KAT5: variants seen among roughly 807,000 people sequenced by gnomAD.
KAT5 encodes the protein histone acetyltransferase KAT5.
A neutral mutation model predicts 68.1 loss-of-function variants in KAT5; 31 were observed. The ratio of observed to expected loss-of-function variants is 0.46; its 90% CI spans 0.34 to 0.61. The LOEUF is 0.61. Ranked by LOEUF, KAT5 falls within the 20% of genes least tolerant of loss-of-function variation. The pLI, the probability that KAT5 is intolerant of heterozygous loss-of-function variation, is 0.01. For synonymous variants in KAT5, 365 were observed against 292.6 expected, an observed-to-expected ratio of 1.25 and a Z score of -2.52; for missense variants, 451 against 725.5, an observed-to-expected ratio of 0.62 and a Z score of 4.35.
chr11:65,719,369 A>C lies in KAT5; in HGVS notation c.*188A>C. 2.8e-6 allele frequency: 2 copies of C among 706,324 alleles called. No homozygotes were observed. Among genetic ancestry groups the C allele is most frequent in the Non-Finnish European group, 4.6e-6 (2 of 433,948 alleles). 43.8% of individuals were successfully genotyped at this position (706,324 alleles called of 1,614,324 possible). A position where few individuals can be genotyped will look rare whatever the true frequency, so the allele number is the denominator to read the frequency against. On this transcript the variant is annotated 3_prime_UTR_variant, in exon 13 of 13. Transcript: ENST00000341318. Reference sequence around the variant, plus strand: ...CAAGGCGAGCTCCGGGCTCAGACCAACTCCAAGGTCAGCTGGCCACAGGCC... The same window carrying C: ...CAAGGCGAGCTCCGGGCTCAGACCACCTCCAAGGTCAGCTGGCCACAGGCC...
chr11:65,716,303 G>A (rs755320691), intron 8 of KAT5: 4 of 222,462 alleles, frequency 1.8e-5, no homozygotes, highest in Non-Finnish European at 2.7e-5. Context: ...TTGAGGAGCC[G>A]TGGTCAGAGT....
chr11:65,716,615 G>A, intron 8 of KAT5, 52 bp from the exon 9 acceptor site: 3 of 1,574,494 alleles, frequency 1.9e-6, no homozygotes, highest in Non-Finnish European at 2.6e-6. Flanking sequence ...TGAACCACTG[G>A]CCAGGCTCAA....
Position 65,718,465 on chromosome 11 carries a change from T to C in KAT5, c.1265-125T>C, listed in dbSNP as rs879235568. 16 of 933,240 alleles carry C rather than the reference T, an allele frequency of 1.7e-5. 2 individuals are homozygous for C. In the South Asian group the frequency reaches 2.3e-4, roughly 14 times the overall value. The allele number at this position is 933,240 out of a possible 1,614,324, so 57.8% of individuals were successfully genotyped here. On this transcript the variant is annotated intron_variant, in intron 10 of 12. Coordinates refer to ENST00000341318, the MANE Select transcript of KAT5 (RefSeq NM_182710.3). ...CTGAGGCACAGAGAAGTGGAGGGCA[T>C]AGAACTGCCAAGTGGCAGGGCCATG... is the stretch of plus-strand genomic sequence containing the variant.
Position 65,712,260 on chromosome 11 carries a change from G to C in KAT5, c.-8G>C, listed in dbSNP as rs375275397. On this transcript the variant is annotated 5_prime_UTR_variant, in exon 1 of 13. Transcript: ENST00000341318. The stretch of plus-strand genomic sequence containing the variant: ...GAGGGGCCGGAAGTGGCAGTGGAGG[G>C]AGGGAAGATGGCGGAGGTGGTGAGT... 35 of 1,413,666 alleles carry C rather than the reference G, an allele frequency of 2.5e-5. 1 individual carries two copies. Among genetic ancestry groups the C allele is most frequent in the South Asian group, 1.6e-4 (10 of 60,868 alleles). The allele number at this position is 1,413,666 out of a possible 1,614,324, so 87.6% of individuals were successfully genotyped here.
In KAT5 at chr11:65,716,531, G is replaced by A. The variant is rs530620172; in HGVS notation, c.1030-136G>A. 8.6e-6 allele frequency: 7 copies of A among 818,122 alleles called. No homozygotes were observed. The African/African-American group carries it at 1.0e-4, about 12-fold the overall frequency. 50.7% of individuals were successfully genotyped at this position (818,122 alleles called of 1,614,324 possible). A position where few individuals can be genotyped will look rare whatever the true frequency, so the allele number is the denominator to read the frequency against. ...GCTGCGGGCTGGTGGAGTGGGTCAG[G>A]CCCAGCCAGGGAAGAACACTCATCA... On this transcript the variant is annotated intron_variant, in intron 8 of 12. Coordinates refer to ENST00000341318, the MANE Select transcript of KAT5 (RefSeq NM_182710.3).
At chr11:65,713,917 T>A in intron 6 of KAT5, 69 bp downstream of exon 6, 2 of 1,371,298 alleles carry the variant, frequency 1.5e-6, no homozygotes, top group Non-Finnish European at 2.0e-6. Flanking sequence ...GGAGAGTTAT[T>A]TAGTGATGAG....
intron 1 of KAT5, 68 bp from the exon 2 acceptor site, chr11:65,712,698 C>G: frequency 6.4e-7 from 1 of 1,560,762 alleles, no homozygotes; most frequent in Non-Finnish European, 8.8e-7. Flanking sequence ...GGGTGGAGTT[C>G]AGGTCGTGGA....
At position 65,719,094 on chromosome 11, in the gene KAT5, G is replaced by T. The variant is rs1315769921; in HGVS notation, c.1554G>T (p.Glu518Asp). The T allele has an allele frequency of 6.2e-7, 1 of 1,614,186 alleles. No individual in the cohort carries two copies. The highest frequency in any genetic ancestry group is 8.5e-7 in the Non-Finnish European group (1 of 1,180,016). ...TLSEDIVDGH[E>D]RAMLKRLLRI... Reference sequence around the variant, plus strand: ...CAGAGGACATCGTGGATGGCCATGAGCGGGCCATGCTCAAGCGGCTCCTGC... The same window carrying T: ...CAGAGGACATCGTGGATGGCCATGATCGGGCCATGCTCAAGCGGCTCCTGC... Residue 518 changes from glutamate to aspartate, a missense_variant, in exon 13 of 13, where the codon GAG becomes GAT. Glu to Asp is a conservative substitution (Grantham distance 45). Coordinates refer to ENST00000341318, the MANE Select transcript of KAT5 (RefSeq NM_182710.3).
In KAT5 at chr11:65,714,656, A is replaced by G. The variant is rs754709342; in HGVS notation, c.852A>G (p.Pro284=). 6.2e-7 allele frequency: 1 copy of G among 1,614,176 alleles called. No homozygotes were observed. The highest frequency in any genetic ancestry group is 8.5e-7 in the Non-Finnish European group (1 of 1,180,026). The change falls in exon 7 of 13, where the codon CCA becomes CCG. Residue 284 remains proline, a synonymous_variant. Coordinates refer to ENST00000341318, the MANE Select transcript of KAT5 (RefSeq NM_182710.3). The stretch of plus-strand genomic sequence containing the variant: ...AGCCGTGGTACTTCTCCCCGTACCC[A>G]CAGGAACTCACCACATTGCCTGTCC... The part of the protein sequence containing the change: ...RLKPWYFSPY[P]QELTTLPVLY...
chr11:65,714,668 C>A lies in KAT5; in HGVS notation c.864C>A (p.Thr288=). 6.2e-7 allele frequency: 1 copy of A among 1,614,234 alleles called. No homozygotes were observed. Among genetic ancestry groups the A allele is most frequent in the Non-Finnish European group, 8.5e-7 (1 of 1,180,036 alleles). ...TCTCCCCGTACCCACAGGAACTCAC[C>A]ACATTGCCTGTCCTCTACCTGTGCG... ...WYFSPYPQEL[T]TLPVLYLCEF... The change falls in exon 7 of 13, where the codon ACC becomes ACA. Residue 288 remains threonine (T), a synonymous_variant. Coordinates refer to ENST00000341318, the MANE Select transcript of KAT5 (RefSeq NM_182710.3).
At chr11:65,716,427 G>C in intron 8 of KAT5, 1 of 543,956 alleles carries the variant, frequency 1.8e-6, no homozygotes, top group Non-Finnish European at 3.3e-6. Context: ...AAACTTGCCT[G>C]ACTGAGCAGG....
chr11:65,717,661 A>G (rs972360559), intron 10 of KAT5: 1 of 154,724 alleles, frequency 6.5e-6, no homozygotes, highest in Non-Finnish European at 1.4e-5. Flanking sequence ...CAGAGGCTTT[A>G]CCTGATCAAG....
At position 65,713,246 on chromosome 11, in the gene KAT5, GAGGGT is replaced by G. The variant is rs1857084261; in HGVS notation, c.385-101_385-97del. 2.9e-6 allele frequency: 4 copies of G among 1,364,984 alleles called. No homozygotes were observed. The South Asian group carries it at 5.1e-5, about 17-fold the overall frequency. 84.6% of individuals were successfully genotyped at this position (1,364,984 alleles called of 1,614,324 possible). On this transcript the variant is annotated intron_variant, in intron 3 of 12. Coordinates refer to ENST00000341318, the MANE Select transcript of KAT5 (RefSeq NM_182710.3). ...GCTAGTCCTGTGTCCTTCAGAAGGC[GAGGGT>G]GGGGTTTGATAATTTTGAGGTGAGG...
intron 5 of KAT5, 29 bp from the exon 6 acceptor site, chr11:65,713,745 C>T (rs1857105703): frequency 1.2e-6 from 2 of 1,613,510 alleles, no homozygotes; most frequent in Non-Finnish European, 8.5e-7. Flanking sequence ...ATTTCACAGC[C>T]ATCCCTTCTT....
At chr11:65,716,851 G>C (rs369804582) in intron 9 of KAT5, 38 bp from the exon 10 acceptor site, 36 of 1,613,828 alleles carry the variant, frequency 2.2e-5, no homozygotes, top group Non-Finnish European at 3.1e-5. Context: ...TCCTGAGCCA[G>C]ATCCCTTCCC....
At position 65,718,572 on chromosome 11, in the gene KAT5, C is replaced by G. The variant is rs1294552087; in HGVS notation, c.1265-18C>G. 6.2e-7 allele frequency: 1 copy of G among 1,611,200 alleles called. No individual in the cohort carries two copies. Among genetic ancestry groups the G allele is most frequent in the Non-Finnish European group, 8.5e-7 (1 of 1,178,004 alleles). On this transcript the variant is annotated intron_variant, in intron 10 of 12. Transcript: ENST00000341318. ...ATCTGTGACCTCTTACTCACCCTCT[C>G]CTGCTCCATTGCTTTAGGCTATGAA...
chr11:65,713,338 A>G lies in KAT5; in HGVS notation c.385-10A>G, dbSNP rs745669754. On this transcript the variant is annotated splice_polypyrimidine_tract_variant and intron_variant, in intron 3 of 12. Coordinates refer to ENST00000341318, the MANE Select transcript of KAT5 (RefSeq NM_182710.3). Reference sequence around the variant, plus strand: ...CGCCCCAAAGGAAGACCCTGGACCTATCTCTACAGCCGGCCTCGGCGCAGG... The same window carrying G: ...CGCCCCAAAGGAAGACCCTGGACCTGTCTCTACAGCCGGCCTCGGCGCAGG... The G allele has an allele frequency of 4.9e-5, 79 of 1,613,644 alleles. No individual in the cohort carries two copies. Among genetic ancestry groups the G allele is most frequent in the Non-Finnish European group, 6.4e-5 (75 of 1,179,862 alleles).
In KAT5 at chr11:65,718,863, T is replaced by G. The variant is rs1857298744; in HGVS notation, c.1425-10T>G. The G allele has an allele frequency of 6.2e-7, 1 of 1,614,036 alleles. No homozygotes were observed. Among genetic ancestry groups the G allele is most frequent in the Non-Finnish European group, 8.5e-7 (1 of 1,179,974 alleles). On this transcript the variant is annotated splice_polypyrimidine_tract_variant and intron_variant, in intron 11 of 12. Transcript: ENST00000341318. ...GGTCCTCAGGGAACCTGACCTGTGC[T>G]CTCCCACAGTGAGATTAGTGAAATC...
chr11:65,715,259 T>G, intron 8 of KAT5: 1 of 328,624 alleles, frequency 3.0e-6, no homozygotes, highest in South Asian at 3.0e-5. Context: ...CTTGCAGTGG[T>G]GTTCTGAAGA....
Sources: allele counts gnomAD v4.1 joint callset, GRCh38; gene constraint gnomAD v4.1.1; transcripts MANE v1.5; gene names NCBI Gene and HGNC (gene_info 2026-07-23, HGNC 2026-07-21).